PDE3B: variants seen among roughly 807,000 people sequenced by gnomAD.
The protein encoded by PDE3B is phosphodiesterase 3B.
PDE3B carries 66 observed loss-of-function variants against 116.8 expected under a neutral mutation model. The ratio of observed to expected loss-of-function variants is 0.56; its 90% CI spans 0.46 to 0.69. PDE3B has a LOEUF of 0.69. Ranked by LOEUF, PDE3B falls within the 30% of genes least tolerant of loss-of-function variation. The pLI, the probability that PDE3B is intolerant of heterozygous loss-of-function variation, is 0.00. For synonymous variants in PDE3B, 595 were observed against 533.6 expected, an observed-to-expected ratio of 1.12 and a Z score of -1.59; for missense variants, 1,384 against 1,368.1, an observed-to-expected ratio of 1.01 and a Z score of -0.18.
chr11:14,754,221 T>G (rs1336956929), intron 1 of PDE3B, among the ~76,000 whole-genome samples: 1 of 152,126 alleles, frequency 6.6e-6, no homozygotes, highest in Non-Finnish European at 1.5e-5. Flanking sequence ...ATTAAATATT[T>G]AAATAATTGG....
intron 1 of PDE3B, among the ~76,000 whole-genome samples, chr11:14,713,118 A>G (rs892125899): frequency 5.9e-5 from 9 of 152,226 alleles, no homozygotes. Flanking sequence ...CCTTAGGCCA[A>G]TACATTCTGA....
At chr11:14,850,349 A>T (rs931940046) in intron 12 of PDE3B, among the ~76,000 whole-genome samples, 9 of 151,810 alleles carry the variant, frequency 5.9e-5, no homozygotes, top group Non-Finnish European at 7.4e-5. Context: ...AGGGTGGGGG[A>T]AGGGGGGAGG....
intron 1 of PDE3B, among the ~76,000 whole-genome samples, chr11:14,724,994 C>T (rs956523292): frequency 5.9e-5 from 9 of 151,866 alleles, no homozygotes; most frequent in East Asian, 1.9e-4. Context: ...GTAGAAAGTA[C>T]GTAAATAAAC....
At chr11:14,886,375 A>G in the PDE3B span, 2 of 169,754 alleles carry the variant, frequency 1.2e-5, no homozygotes, top group South Asian at 1.5e-4. Flanking sequence ...AGTGAGGGAG[A>G]GGATTGTCAA....
At chr11:14,859,562 A>G (rs1847909616) in intron 13 of PDE3B, among the ~76,000 whole-genome samples, 1 of 152,216 alleles carries the variant, frequency 6.6e-6, no homozygotes, top group Non-Finnish European at 1.5e-5. Flanking sequence ...AATGAGTTTA[A>G]AGAGAGATTT....
chr11:14,833,074 C>T (rs781544849), intron 10 of PDE3B, among the ~76,000 whole-genome samples: 2 of 151,892 alleles, frequency 1.3e-5, no homozygotes, highest in East Asian at 1.9e-4. Context: ...TCTTGGCCCT[C>T]GCAGGTAGCT....
intron 1 of PDE3B, among the ~76,000 whole-genome samples, chr11:14,654,995 A>T (rs891036066): frequency 2.6e-5 from 4 of 152,160 alleles, no homozygotes; most frequent in African/African-American, 9.7e-5. Context: ...TACTTAAAGC[A>T]TGTAAAAAGA....
In PDE3B at chr11:14,869,379, T is replaced by C. The variant is rs190007152; in HGVS notation, c.3140-82T>C. On this transcript the variant is annotated intron_variant, in intron 15 of 15. Coordinates refer to ENST00000282096, the MANE Select transcript of PDE3B (RefSeq NM_000922.4). ...TACTTTTATACTCCCAGTGCTTAGA[T>C]ACCTAGAATAGGCACTTAATATTTG... 2.4e-5 allele frequency: 26 copies of C among 1,070,460 alleles called. No individual in the cohort carries two copies. The African/African-American group carries it at 3.3e-4, about 14-fold the overall frequency. The allele number at this position is 1,070,460 out of a possible 1,614,324, so 66.3% of individuals were successfully genotyped here. A position where few individuals can be genotyped will look rare whatever the true frequency, so the allele number is the denominator to read the frequency against.
Position 14,749,910 on chromosome 11 carries a change from A to ATATATATATATATG in PDE3B, c.979-22024_979-22023insATATATATATGTAT, listed in dbSNP as rs763744588. On this transcript the variant is annotated intron_variant, in intron 1 of 15. Coordinates refer to ENST00000282096, the MANE Select transcript of PDE3B (RefSeq NM_000922.4). ...AAATAAATATATCCCATATATATAT[A>ATATATATATATATG]TATGTATCTTTGTGGAAGCTGAGAA... Among the ~76,000 whole-genome samples, 3 of 131,488 alleles carry ATATATATATATATG rather than the reference A, an allele frequency of 2.3e-5. 1 individual carries two copies. Among genetic ancestry groups the ATATATATATATATG allele is most frequent in the Admixed American group, 7.6e-5 (1 of 13,234 alleles). The allele number at this position is 131,488 out of a possible 152,430, so 86.3% of individuals were successfully genotyped here.
chr11:14,880,170 C>T, the PDE3B span: 12 of 1,612,634 alleles, frequency 7.4e-6, no homozygotes, highest in African/African-American at 9.4e-5. Flanking sequence ...TGAAAAGAAT[C>T]GCCCACCGTA....
intron 1 of PDE3B, among the ~76,000 whole-genome samples, chr11:14,648,223 G>A (rs1590027962): frequency 6.6e-6 from 1 of 151,984 alleles, no homozygotes; most frequent in East Asian, 1.9e-4. Flanking sequence ...GGTTTTGAAA[G>A]GCATAAGTTA....
At chr11:14,811,295 G>GT (rs1174371636) in intron 5 of PDE3B, among the ~76,000 whole-genome samples, 1 of 152,152 alleles carries the variant, frequency 6.6e-6, no homozygotes, top group Non-Finnish European at 1.5e-5. Context: ...GGTTTTTGTG[G>GT]TTTTAGGTCT....
intron 1 of PDE3B, among the ~76,000 whole-genome samples, chr11:14,684,357 T>C (rs1282392170): frequency 6.6e-6 from 1 of 151,824 alleles, no homozygotes; most frequent in Non-Finnish European, 1.5e-5. Flanking sequence ...AGCCAGCAGG[T>C]TGTATTAAGA....
At chr11:14,815,938 T>TACACACAC (rs35596025) in intron 5 of PDE3B, among the ~76,000 whole-genome samples, 2,149 of 146,216 alleles carry the variant, frequency 0.015, 45 homozygotes, top group African/African-American at 0.047. Flanking sequence ...ATTATATTTA[T>TACACACAC]ACACACACAC....
At chr11:14,820,974 G>A (rs941903974) in intron 7 of PDE3B, among the ~76,000 whole-genome samples, 1 of 152,174 alleles carries the variant, frequency 6.6e-6, no homozygotes, top group African/African-American at 2.4e-5. Flanking sequence ...ACTCAATAAA[G>A]TTTTTAAAAA....
In PDE3B at chr11:14,644,367, C is replaced by T. The variant is rs761547467; in HGVS notation, c.292C>T (p.Pro98Ser). 23 of 1,596,758 alleles carry T rather than the reference C, an allele frequency of 1.4e-5. No homozygotes were observed. In the African/African-American group the frequency reaches 3.0e-4, roughly 21 times the overall value. The change falls in exon 1 of 16, where the codon CCC (proline) becomes TCC (serine). Residue 98 changes from proline (P) to serine (S), a missense_variant. Physicochemically the swap from Pro to Ser is moderately conservative, Grantham distance 74. Around this residue, in one of 2 missense-constraint regions of PDE3B, gnomAD observed 956 missense variants for 806.8 expected, o/e 1.18. Transcript: ENST00000282096. ...FVLALLLGAE[P>S]ESWAAGAAWL... ...CCTCGCCCTGCTGCTGGGCGCGGAACCCGAGAGCTGGGCTGCCGGGGCCGC... is the reference window on the plus strand; with the variant it reads ...CCTCGCCCTGCTGCTGGGCGCGGAATCCGAGAGCTGGGCTGCCGGGGCCGC...
chr11:14,665,302 G>A (rs1854095583), intron 1 of PDE3B, among the ~76,000 whole-genome samples: 1 of 152,138 alleles, frequency 6.6e-6, no homozygotes, highest in South Asian at 2.1e-4. Flanking sequence ...CAGACCCACA[G>A]CCAATATCAT....
intron 5 of PDE3B, among the ~76,000 whole-genome samples, chr11:14,808,059 C>CAAA (rs765095329): frequency 3.0e-5 from 2 of 67,378 alleles, no homozygotes; most frequent in African/African-American, 5.7e-5. Context: ...GCCTTCGTCT[C>CAAA]AAAAAAAAAA....
chr11:14,852,297 C>T (rs1475068484), intron 12 of PDE3B, among the ~76,000 whole-genome samples: 1 of 152,142 alleles, frequency 6.6e-6, no homozygotes, highest in African/African-American at 2.4e-5. Context: ...CTCATGTGAT[C>T]TGTCCGCCTC....
Sources: allele counts gnomAD v4.1 joint callset (sites outside exome capture counted in the v4.1 genomes callset), GRCh38; gene constraint gnomAD v4.1.1; regional missense constraint gnomAD v4.1.1; transcripts MANE v1.5; gene names NCBI Gene and HGNC (gene_info 2026-07-23, HGNC 2026-07-21).